HSPB8: variants seen among roughly 807,000 people sequenced by gnomAD.
HSPB8 encodes the protein heat shock protein family B (small) member 8.
HSPB8 carries 9 observed loss-of-function variants against 16.5 expected under a neutral mutation model. The observed-to-expected ratio is 0.55, with a 90% CI of 0.33 to 0.95. The LOEUF is 0.95. HSPB8 is among the 40% of genes least tolerant of loss of function. The pLI is 0.03. For synonymous variants in HSPB8, 99 were observed against 94.8 expected, an observed-to-expected ratio of 1.04 and a Z score of -0.26; for missense variants, 238 against 251.2, an observed-to-expected ratio of 0.95 and a Z score of 0.35.
rs35909818 is a variant in HSPB8 at position 119,179,578 on chromosome 12, C to T, written c.266C>T (p.Pro89Leu). 6.2e-7 allele frequency: 1 copy of T among 1,612,198 alleles called. No homozygotes were observed. Residue 89 changes from proline (P) to leucine (L), a missense_variant, in exon 1 of 3, where the codon CCA (proline) becomes CTA (leucine). By Grantham distance (98) the Pro-to-Leu change is moderately conservative (BLOSUM62 -3). Coordinates refer to ENST00000281938, the MANE Select transcript of HSPB8 (RefSeq NM_014365.3). ...GTGCCTGCCGAGGGCAGGACCCCCC[C>T]ACCCTTCCCTGGGGAGCCCTGGAAA... ...FGVPAEGRTP[P>L]PFPGEPWKVC...
At chr12:119,193,098 G>A (rs533685293) in intron 2 of HSPB8, among the ~76,000 whole-genome samples, 45 of 152,228 alleles carry the variant, frequency 3.0e-4, no homozygotes, top group Middle Eastern at 3.4e-3. Flanking sequence ...CAAAATCAAG[G>A]CTTATTTTGA....
chr12:119,192,426 G>A (rs1954717628), intron 2 of HSPB8, among the ~76,000 whole-genome samples: 1 of 152,182 alleles, frequency 6.6e-6, no homozygotes, highest in Non-Finnish European at 1.5e-5. Context: ...GGAGGCTGAG[G>A]TGGGTGGATC....
intron 1 of HSPB8, chr12:119,183,222 C>A (rs1954650562): frequency 1.3e-5 from 2 of 152,238 alleles, no homozygotes; most frequent in African/African-American, 2.4e-5. Context: ...GCAGCCCTAT[C>A]TTATCTGACC....
intron 1 of HSPB8, chr12:119,182,921 G>T (rs936709911): frequency 6.6e-6 from 1 of 152,210 alleles, no homozygotes; most frequent in African/African-American, 2.4e-5. Context: ...TCAATGTCAG[G>T]CCTCTCTGGC....
At chr12:119,192,293 A>T (rs969172389) in intron 2 of HSPB8, among the ~76,000 whole-genome samples, 1 of 152,200 alleles carries the variant, frequency 6.6e-6, no homozygotes, top group African/African-American at 2.4e-5. Context: ...GAATGGGCAT[A>T]TTAATTCTTA....
At chr12:119,191,699 T>C (rs1954713575) in intron 2 of HSPB8, among the ~76,000 whole-genome samples, 1 of 152,172 alleles carries the variant, frequency 6.6e-6, no homozygotes, top group African/African-American at 2.4e-5. Context: ...CCCTCGTATT[T>C]ACAATAGGCA....
intron 1 of HSPB8, among the ~76,000 whole-genome samples, chr12:119,181,753 G>A (rs1954639409): frequency 6.6e-6 from 1 of 152,206 alleles, no homozygotes; most frequent in African/African-American, 2.4e-5. Context: ...ATGTGGACGA[G>A]AAAGTCTTCA....
At position 119,179,343 on chromosome 12, in the gene HSPB8, C is replaced by T; in HGVS notation, c.31C>T (p.His11Tyr). The change falls in exon 1 of 3, where the codon CAC becomes TAC. Residue 11 changes from histidine (H) to tyrosine (Y), a missense_variant. By Grantham distance (83) the His-to-Tyr change is moderately conservative (BLOSUM62 2). Coordinates refer to ENST00000281938, the MANE Select transcript of HSPB8 (RefSeq NM_014365.3). MADGQMPFSC[H>Y]YPSRLRRDPF... The stretch of plus-strand genomic sequence containing the variant: ...TGACGGTCAGATGCCCTTCTCCTGC[C>T]ACTACCCAAGCCGCCTGCGCCGAGA... The T allele has an allele frequency of 6.2e-7, 1 of 1,614,080 alleles. No individual in the cohort carries two copies. The highest frequency in any genetic ancestry group is 1.1e-5 in the South Asian group (1 of 91,082).
At chr12:119,187,497 G>A (rs753115046) in intron 2 of HSPB8, among the ~76,000 whole-genome samples, 1 of 152,130 alleles carries the variant, frequency 6.6e-6, no homozygotes, top group African/African-American at 2.4e-5. Flanking sequence ...TGGGATTACA[G>A]GCATGTGCCA....
At chr12:119,179,981 T>C (rs1285542236) in intron 1 of HSPB8, among the ~76,000 whole-genome samples, 1 of 152,108 alleles carries the variant, frequency 6.6e-6, no homozygotes, top group East Asian at 1.9e-4. Flanking sequence ...ATATAAAGAA[T>C]AGGTTAAGCA....
chr12:119,184,712 A>C (rs902074492), intron 1 of HSPB8, among the ~76,000 whole-genome samples: 1 of 152,224 alleles, frequency 6.6e-6, no homozygotes, highest in Non-Finnish European at 1.5e-5. Flanking sequence ...TGGAAGTTGC[A>C]TTAGTCCTCA....
intron 2 of HSPB8, among the ~76,000 whole-genome samples, chr12:119,191,600 A>AAAG (rs1954712695): frequency 4.8e-5 from 1 of 20,902 alleles, no homozygotes; most frequent in Admixed American, 7.5e-4. Context: ...AGAAAGAAAG[A>AAAG]AAAAAAAAAA....
At chr12:119,185,481 G>C (rs1364413635) in intron 1 of HSPB8, among the ~76,000 whole-genome samples, 1 of 152,038 alleles carries the variant, frequency 6.6e-6, no homozygotes, top group African/African-American at 2.4e-5. Flanking sequence ...CTATAGGCAC[G>C]TGCCACCATG....
At chr12:119,180,086 A>G (rs73412044) in intron 1 of HSPB8, among the ~76,000 whole-genome samples, 9,479 of 152,250 alleles carry the variant, frequency 0.062, 366 homozygotes, top group African/African-American at 0.11. Flanking sequence ...CTGAACAATG[A>G]TAGTGTTAAT....
Position 119,179,459 on chromosome 12 carries a change from C to A in HSPB8, c.147C>A (p.Pro49=), listed in dbSNP as rs371236491. The stretch of plus-strand genomic sequence containing the variant: ...CAGACGACTTGACAGCCTCTTGGCC[C>A]GACTGGGCTCTGCCTCGTCTCTCCT... ...PFPDDLTASW[P]DWALPRLSSA... Residue 49 remains proline (P), a synonymous_variant, in exon 1 of 3, where the codon CCC becomes CCA. Coordinates refer to ENST00000281938, the MANE Select transcript of HSPB8 (RefSeq NM_014365.3). 1 of 1,613,938 alleles carries A rather than the reference C, an allele frequency of 6.2e-7. No individual in the cohort carries two copies. Among genetic ancestry groups the A allele is most frequent in the African/African-American group, 1.3e-5 (1 of 74,918 alleles).
chr12:119,191,654 T>C (rs1954713344), intron 2 of HSPB8, among the ~76,000 whole-genome samples: 1 of 151,512 alleles, frequency 6.6e-6, no homozygotes, highest in African/African-American at 2.4e-5. Context: ...TGATCAGGAA[T>C]GGGCTTACCT....
In HSPB8 at chr12:119,193,614, C is replaced by A. The variant is rs1421619329; in HGVS notation, c.432-85C>A. The A allele has an allele frequency of 1.4e-5, 21 of 1,464,366 alleles. No individual in the cohort carries two copies. The Admixed American group carries it at 2.6e-4, about 18-fold the overall frequency. The allele number at this position is 1,464,366 out of a possible 1,614,324, so 90.7% of individuals were successfully genotyped here. ...ATGTCCCCAAAGCCTAAGCTCTTAT[C>A]AAAAATATTTCCTCTCAAGTGAATA... On this transcript the variant is annotated intron_variant, in intron 2 of 2. Coordinates refer to ENST00000281938, the MANE Select transcript of HSPB8 (RefSeq NM_014365.3).
At chr12:119,190,964 G>A (rs1224071865) in intron 2 of HSPB8, among the ~76,000 whole-genome samples, 1 of 152,206 alleles carries the variant, frequency 6.6e-6, no homozygotes, top group Non-Finnish European at 1.5e-5. Context: ...AAGTCACTTG[G>A]TTAGAGACCT....
In HSPB8 at chr12:119,179,539, C is replaced by G; in HGVS notation, c.227C>G (p.Thr76Ser). 6.2e-7 allele frequency: 1 copy of G among 1,613,766 alleles called. No homozygotes were observed. The highest frequency in any genetic ancestry group is 8.5e-7 in the Non-Finnish European group (1 of 1,179,852). Residue 76 changes from threonine to serine, a missense_variant, in exon 1 of 3, where the codon ACC (threonine) becomes AGC (serine). By Grantham distance (58) the Thr-to-Ser change is moderately conservative. Coordinates refer to ENST00000281938, the MANE Select transcript of HSPB8 (RefSeq NM_014365.3). ...ATGGTGCCCCGGGGCCCCACTGCCA[C>G]CGCCAGGTTTGGGGTGCCTGCCGAG... ...SGMVPRGPTA[T>S]ARFGVPAEGR...
Sources: gnomAD v4.1 joint callset for allele counts (sites outside exome capture counted in the v4.1 genomes callset) on GRCh38, gnomAD v4.1.1 for gene constraint, MANE v1.5 for transcripts, NCBI Gene and HGNC (gene_info 2026-07-23, HGNC 2026-07-21) for gene names.